Variants in TM2D2 observed in about 807,000 individuals in gnomAD.
TM2D2 encodes the protein TM2 domain containing 2.
TM2D2 carries 19 observed loss-of-function variants against 23.0 expected under a neutral mutation model. The observed-to-expected ratio is 0.82, with a 90% CI of 0.58 to 1.21. The LOEUF is 1.21. Ranked by LOEUF, TM2D2 falls within the 50% of genes most tolerant of loss-of-function variation. The pLI, the probability that TM2D2 is intolerant of heterozygous loss-of-function variation, is 0.00. For missense variants in TM2D2, 246 were observed against 265.4 expected (o/e 0.93, Z 0.51); for synonymous variants, 120 against 108.8 (o/e 1.10, Z -0.64).
chr8:38,993,494 T>C (rs1310367003), intron 3 of TM2D2, 51 bp downstream of exon 3: 1 of 1,317,364 alleles, frequency 7.6e-7, no homozygotes, highest in South Asian at 1.3e-5. Flanking sequence ...ACAAGGAAAA[T>C]GGCTCTACCT....
chr8:38,991,377 T>G lies in TM2D2; in HGVS notation c.600A>C (p.Gly200=), dbSNP rs1306545891. The G allele has an allele frequency of 2.7e-5, 43 of 1,613,980 alleles. No homozygotes were observed. The highest frequency in any genetic ancestry group is 3.5e-5 in the Non-Finnish European group (41 of 1,180,030). ...TGCTGCCATCACTTGGCATCAGCCC[T>G]CCAGTAATTAGCAAAATAAGGTCAA... ...WFVDLILLIT[G]GLMPSDGSNW... is the part of the protein sequence containing the mutation. Residue 200 remains glycine (G), a synonymous_variant, in exon 4 of 4, where the codon GGA becomes GGC. Transcript: ENST00000456397.
In TM2D2 at chr8:38,991,366, G is replaced by A; in HGVS notation, c.611C>T (p.Pro204Leu). The A allele has an allele frequency of 6.2e-7, 1 of 1,614,098 alleles. No homozygotes were observed. The highest frequency in any genetic ancestry group is 1.7e-5 in the Admixed American group (1 of 60,008). Residue 204 changes from proline to leucine, a missense_variant, in exon 4 of 4, where the codon CCA becomes CTA. By Grantham distance (98) the Pro-to-Leu change is moderately conservative (BLOSUM62 -3). Coordinates refer to ENST00000456397, the MANE Select transcript of TM2D2 (RefSeq NM_078473.3). ...AGTGCACCAGTTGCTGCCATCACTTGGCATCAGCCCTCCAGTAATTAGCAA... is the reference window on the plus strand; with the variant it reads ...AGTGCACCAGTTGCTGCCATCACTTAGCATCAGCCCTCCAGTAATTAGCAA... ...LILLITGGLM[P>L]SDGSNWCTVY
Position 38,991,420 on chromosome 8 carries a change from A to T in TM2D2, c.557T>A (p.Leu186His). ...AAGGTCAACAAACCACCAAATCCCA[A>T]GTCCTCCAAGCGTCAACAGCTTCCC... ...AVGKLLTLGG[L>H]GIWWFVDLIL... The change falls in exon 4 of 4, where the codon CTT (leucine) becomes CAT (histidine). Residue 186 changes from leucine to histidine, a missense_variant. This residue lies in a region of TM2D2 where 34 missense variants were observed against 63.2 expected (regional missense o/e 0.54). Transcript: ENST00000456397. 6.2e-7 allele frequency: 1 copy of T among 1,614,166 alleles called. No individual in the cohort carries two copies.
At position 38,996,400 on chromosome 8, in the gene TM2D2, A is replaced by T. The variant is rs1158312754; in HGVS notation, c.40T>A (p.Cys14Ser). 5 of 1,614,184 alleles carry T rather than the reference A, an allele frequency of 3.1e-6. No homozygotes were observed. Reference sequence around the variant, plus strand: ...CCCAGCAGCAAAGCCGCCTGGCCGCACAGAAGTAAGTAACTAACCGGGCAA... The same window carrying T: ...CCCAGCAGCAAAGCCGCCTGGCCGCTCAGAAGTAAGTAACTAACCGGGCAA... The part of the protein sequence containing the change: ...GGCPVSYLLL[C>S]GQAALLLGNL... Residue 14 changes from cysteine (C) to serine (S), a missense_variant, in exon 1 of 4, where the codon TGC becomes AGC. Physicochemically the swap from Cys to Ser is moderately radical, Grantham distance 112. Coordinates refer to ENST00000456397, the MANE Select transcript of TM2D2 (RefSeq NM_078473.3).
intron 2 of TM2D2, among the ~76,000 whole-genome samples, chr8:38,994,810 G>A (rs907241235): frequency 2.0e-5 from 3 of 152,130 alleles, no homozygotes; most frequent in African/African-American, 4.8e-5. Flanking sequence ...AATGGCTTCC[G>A]CTGGAACGCT....
rs751721872 is a variant in TM2D2, at chr8:38,996,304, A to T, written c.136T>A (p.Ser46Thr). ...CCCTCCGGCTGGGCGGCGCCAGCGG[A>T]TGTGAGCTCAGGCTCAGCGGTCGCA... is the stretch of plus-strand genomic sequence containing the variant. ...QNATAEPELT[S>T]AGAAQPEGPG... Residue 46 changes from serine (S) to threonine (T), a missense_variant, in exon 1 of 4, where the codon TCC (serine) becomes ACC (threonine). Ser to Thr is a moderately conservative substitution (Grantham distance 58). Coordinates refer to ENST00000456397, the MANE Select transcript of TM2D2 (RefSeq NM_078473.3). The T allele has an allele frequency of 6.2e-7, 1 of 1,614,074 alleles. No individual in the cohort carries two copies. Among genetic ancestry groups the T allele is most frequent in the Non-Finnish European group, 8.5e-7 (1 of 1,180,008 alleles).
chr8:38,996,062 GA>G (rs1258753262), intron 1 of TM2D2, 150 bp downstream of exon 1: 1 of 980,424 alleles, frequency 1.0e-6, no homozygotes, highest in African/African-American at 1.6e-5. Context: ...CGGGCTGTGA[GA>G]AACCTGGTTC....
chr8:38,996,511 C>T (rs545199699), upstream of TM2D2: 15 of 1,584,316 alleles, frequency 9.5e-6, no homozygotes, highest in Admixed American at 1.4e-4. Flanking sequence ...CCAAGAACTG[C>T]GTGGTCAGGC....
chr8:38,993,978 CTTTACTTATA>C (rs1447333732), intron 2 of TM2D2: 1 of 182,372 alleles, frequency 5.5e-6, no homozygotes, highest in Non-Finnish European at 1.2e-5. Flanking sequence ...CTTTACTTAT[CTTTACTTATA>C]AGCATATGTA....
chr8:38,996,355 A>C lies in TM2D2; in HGVS notation c.85T>G (p.Cys29Gly). ...TTTTGCGAGTGGCTCCGAGACACACAATGCAGCAGAAGTAAATTCCCCAGC... is the reference window on the plus strand; with the variant it reads ...TTTTGCGAGTGGCTCCGAGACACACCATGCAGCAGAAGTAAATTCCCCAGC... ...LLLGNLLLLH[C>G]VSRSHSQNAT... is the part of the protein sequence containing the mutation. Residue 29 changes from cysteine to glycine, a missense_variant, in exon 1 of 4, where the codon TGT becomes GGT. Cys to Gly is a radical substitution (Grantham distance 159, BLOSUM62 -3). Coordinates refer to ENST00000456397, the MANE Select transcript of TM2D2 (RefSeq NM_078473.3). 1 of 1,614,158 alleles carries C rather than the reference A, an allele frequency of 6.2e-7. No individual in the cohort carries two copies.
chr8:38,996,309 A>C lies in TM2D2; in HGVS notation c.131T>G (p.Leu44Arg), dbSNP rs777700278. Reference protein sequence around the residue: ...HSQNATAEPELTSAGAAQPEG... With the variant: ...HSQNATAEPERTSAGAAQPEG... ...CGGCTGGGCGGCGCCAGCGGATGTG[A>C]GCTCAGGCTCAGCGGTCGCATTTTG... is the stretch of plus-strand genomic sequence containing the variant. The change falls in exon 1 of 4, where the codon CTC (leucine) becomes CGC (arginine). Residue 44 changes from leucine (L) to arginine (R), a missense_variant. Leu to Arg is a moderately radical substitution (Grantham distance 102). Around this residue, in one of 2 missense-constraint regions of TM2D2, gnomAD observed 212 missense variants for 202.2 expected, o/e 1.05. Coordinates refer to ENST00000456397, the MANE Select transcript of TM2D2 (RefSeq NM_078473.3). The C allele has an allele frequency of 1.2e-5, 20 of 1,613,972 alleles. No homozygotes were observed. Among genetic ancestry groups the C allele is most frequent in the African/African-American group, 2.7e-5 (2 of 74,934 alleles).
At chr8:38,996,731 C>A, upstream of TM2D2, 6 of 1,419,354 alleles carry the variant, frequency 4.2e-6, no homozygotes, top group Non-Finnish European at 5.5e-6. Flanking sequence ...ATCCGTCGAC[C>A]CCCCTAGGTG....
intron 2 of TM2D2, chr8:38,995,036 CA>C (rs984936927): frequency 1.8e-5 from 6 of 331,188 alleles, no homozygotes; most frequent in Non-Finnish European, 3.3e-5. Flanking sequence ...GAAGGAGAGT[CA>C]GGGGTGACAT....
At position 38,991,316 on chromosome 8, in the gene TM2D2, A is replaced by G. The variant is rs1360714626; in HGVS notation, c.*16T>C. The stretch of plus-strand genomic sequence containing the variant: ...GAGCTTTCACCCGCCTCCCTGGGCC[A>G]TGATGGCAGCTCTTCTTAGTAAACA... On this transcript the variant is annotated 3_prime_UTR_variant, in exon 4 of 4. Transcript: ENST00000456397. The G allele has an allele frequency of 2.5e-6, 4 of 1,610,584 alleles. No individual in the cohort carries two copies.
At chr8:38,993,137 C>T (rs774473349) in intron 3 of TM2D2, among the ~76,000 whole-genome samples, 3 of 152,146 alleles carry the variant, frequency 2.0e-5, no homozygotes, top group Non-Finnish European at 4.4e-5. Context: ...AAACTGAGTG[C>T]CCACAGGCAC....
rs1244352270 is a variant in TM2D2 at position 38,996,247 on chromosome 8, C to T, written c.193G>A (p.Asp65Asn). The T allele has an allele frequency of 1.9e-6, 3 of 1,613,682 alleles. No homozygotes were observed. The highest frequency in any genetic ancestry group is 1.3e-5 in the African/African-American group (1 of 74,914). ...PGGAASWEYG[D>N]PHSPVILCSY... ...CAGAGGATGACCGGAGAGTGGGGGT[C>T]GCCATATTCCCAGCTCGCAGCACCC... Residue 65 changes from aspartate to asparagine, a missense_variant, in exon 1 of 4, where the codon GAC becomes AAC. Physicochemically the swap from Asp to Asn is conservative, Grantham distance 23. Transcript: ENST00000456397.
Position 38,990,021 on chromosome 8 carries a change from T to C in TM2D2, c.*1311A>G, listed in dbSNP as rs921939971. ...TGAATTAAAAGTTTACCAATTGTTATGTTATAAGCAAGGTTAAGGTCAGTG... is the reference window on the plus strand; with the variant it reads ...TGAATTAAAAGTTTACCAATTGTTACGTTATAAGCAAGGTTAAGGTCAGTG... On this transcript the variant is annotated 3_prime_UTR_variant, in exon 4 of 4. Coordinates refer to ENST00000456397, the MANE Select transcript of TM2D2 (RefSeq NM_078473.3). The C allele has an allele frequency of 2.6e-5, 4 of 152,152 alleles. No homozygotes were observed. The highest frequency in any genetic ancestry group is 5.9e-5 in the Non-Finnish European group (4 of 67,974). The allele number at this position is 152,152 out of a possible 1,614,324, so 9.4% of individuals were successfully genotyped here.
rs758254108 is a variant in TM2D2 at position 38,996,423 on chromosome 8, C to A, written c.17G>T (p.Cys6Phe). Residue 6 changes from cysteine to phenylalanine, a missense_variant, in exon 1 of 4, where the codon TGC (cysteine) becomes TTC (phenylalanine). Coordinates refer to ENST00000456397, the MANE Select transcript of TM2D2 (RefSeq NM_078473.3). The stretch of plus-strand genomic sequence containing the variant: ...GCACAGAAGTAAGTAACTAACCGGG[C>A]AACCACCTAGCACCATCTTCCCGGG... The part of the protein sequence containing the change: MVLGG[C>F]PVSYLLLCGQ... The A allele has an allele frequency of 9.3e-6, 15 of 1,614,178 alleles. No homozygotes were observed. The highest frequency in any genetic ancestry group is 1.2e-5 in the Non-Finnish European group (14 of 1,180,030).
At chr8:38,993,918 C>A (rs561503926) in intron 2 of TM2D2, 4 of 273,778 alleles carry the variant, frequency 1.5e-5, no homozygotes, top group East Asian at 6.8e-5. Flanking sequence ...AAAAAACCCC[C>A]AAACACACTC....
Sources: gnomAD v4.1 joint callset for allele counts (sites outside exome capture counted in the v4.1 genomes callset) on GRCh38, gnomAD v4.1.1 for gene constraint, gnomAD v4.1.1 regional missense constraint, MANE v1.5 for transcripts, NCBI Gene and HGNC (gene_info 2026-07-23, HGNC 2026-07-21) for gene names.